ATXN1: variants seen among roughly 807,000 people sequenced by gnomAD.
ATXN1 encodes the protein ataxin 1.
Under a neutral mutation model 56.4 loss-of-function variants are expected in ATXN1, and 8 were observed. That is an observed-to-expected ratio of 0.14 (90% CI 0.08 to 0.26). ATXN1 has a LOEUF of 0.26. Ranked by LOEUF, ATXN1 falls within the 10% of genes least tolerant of loss-of-function variation. The pLI, the probability that ATXN1 is intolerant of heterozygous loss-of-function variation, is 1.00. For missense variants in ATXN1, 987 were observed against 1,106.5 expected, an observed-to-expected ratio of 0.89 and a Z score of 1.53; for synonymous variants, 514 against 494.6, an observed-to-expected ratio of 1.04 and a Z score of -0.52.
chr6:16,318,852 G>A (rs1396097376), intron 7 of ATXN1, among the ~76,000 whole-genome samples: 5 of 152,174 alleles, frequency 3.3e-5, no homozygotes, highest in Non-Finnish European at 5.9e-5. Flanking sequence ...AGTGACCACA[G>A]CAGCTGTGAC....
chr6:16,420,833 C>G (rs1326002575), intron 6 of ATXN1, among the ~76,000 whole-genome samples: 1 of 152,128 alleles, frequency 6.6e-6, no homozygotes, highest in Non-Finnish European at 1.5e-5. Flanking sequence ...GATTCTCTCT[C>G]TCTCTCTCTG....
intron 6 of ATXN1, among the ~76,000 whole-genome samples, chr6:16,469,437 GC>G (rs1760173420): frequency 6.6e-6 from 1 of 152,170 alleles, no homozygotes; most frequent in Non-Finnish European, 1.5e-5. Context: ...TGTGGCCTCT[GC>G]CCCAGGATCA....
At chr6:16,633,602 C>T (rs1763543449) in intron 3 of ATXN1, among the ~76,000 whole-genome samples, 1 of 152,186 alleles carries the variant, frequency 6.6e-6, no homozygotes, top group African/African-American at 2.4e-5. Context: ...CCTCCCCTCC[C>T]TGAGGTTCCT....
chr6:16,530,504 TC>T (rs760801558), intron 4 of ATXN1, among the ~76,000 whole-genome samples: 12 of 152,190 alleles, frequency 7.9e-5, no homozygotes, highest in Non-Finnish European at 1.5e-4. Context: ...AAAGGTAACC[TC>T]TTAGCAGATT....
intron 2 of ATXN1, chr6:16,736,778 G>A (rs1042098794): frequency 3.9e-5 from 6 of 152,132 alleles, no homozygotes; most frequent in Admixed American, 2.0e-4. Flanking sequence ...TCAGCATTTC[G>A]GGTACATACG....
intron 6 of ATXN1, among the ~76,000 whole-genome samples, chr6:16,370,526 T>C (rs1250858720): frequency 6.6e-6 from 1 of 152,008 alleles, no homozygotes; most frequent in East Asian, 1.9e-4. Flanking sequence ...CTAAGATAGC[T>C]TTTTTCTGAT....
intron 3 of ATXN1, among the ~76,000 whole-genome samples, chr6:16,620,685 G>GCC (rs201138642): frequency 5.9e-5 from 9 of 152,264 alleles, no homozygotes; most frequent in African/African-American, 2.2e-4. Flanking sequence ...GCCCATATAT[G>GCC]CCCCCCCAAA....
chr6:16,393,808 GAGTTCAAGACC>G (rs1266231225), intron 6 of ATXN1, among the ~76,000 whole-genome samples: 3 of 152,260 alleles, frequency 2.0e-5, no homozygotes, highest in Non-Finnish European at 4.4e-5. Context: ...ACGAGGTCAG[GAGTTCAAGACC>G]AGTCTGGCCA....
chr6:16,333,169 A>T (rs1746943524), intron 6 of ATXN1, among the ~76,000 whole-genome samples: 1 of 152,230 alleles, frequency 6.6e-6, no homozygotes, highest in South Asian at 2.1e-4. Flanking sequence ...TCTAAACCTA[A>T]TACGGCTGCA....
At chr6:16,360,965 T>C (rs2113474733) in intron 6 of ATXN1, among the ~76,000 whole-genome samples, 1 of 152,322 alleles carries the variant, frequency 6.6e-6, no homozygotes, top group South Asian at 2.1e-4. Context: ...AGTGAGAAAG[T>C]CTTTACTTAT....
intron 2 of ATXN1, among the ~76,000 whole-genome samples, chr6:16,732,577 A>G (rs760909252): frequency 5.3e-5 from 8 of 152,104 alleles, no homozygotes; most frequent in Non-Finnish European, 1.0e-4. Flanking sequence ...TCTCACACAC[A>G]CACAAAAAAA....
chr6:16,564,995 C>T (rs1262587889), intron 4 of ATXN1, among the ~76,000 whole-genome samples: 1 of 152,176 alleles, frequency 6.6e-6, no homozygotes, highest in African/African-American at 2.4e-5. Context: ...TTATGAATAT[C>T]AGAAGATGTC....
intron 3 of ATXN1, among the ~76,000 whole-genome samples, chr6:16,613,138 G>A (rs1228671538): frequency 3.4e-5 from 5 of 148,556 alleles, no homozygotes; most frequent in African/African-American, 1.2e-4. Flanking sequence ...GGTGGCGGGC[G>A]CCTGTAGTCC....
chr6:16,451,160 T>A (rs1277360707), intron 6 of ATXN1, among the ~76,000 whole-genome samples: 1 of 152,188 alleles, frequency 6.6e-6, no homozygotes, highest in African/African-American at 2.4e-5. Context: ...CTGTACAAAT[T>A]ATATAGGATT....
chr6:16,738,592 G>T (rs1253536163), intron 2 of ATXN1: 1 of 152,196 alleles, frequency 6.6e-6, no homozygotes, highest in East Asian at 1.9e-4. Context: ...AAAAAACCAG[G>T]ATTTTAAAAA....
intron 2 of ATXN1, among the ~76,000 whole-genome samples, chr6:16,735,152 T>C (rs1237466329): frequency 3.3e-5 from 5 of 152,222 alleles, no homozygotes; most frequent in Non-Finnish European, 7.3e-5. Flanking sequence ...CACCACTTAC[T>C]AGCTCTGTGA....
intron 2 of ATXN1, among the ~76,000 whole-genome samples, chr6:16,735,371 T>C (rs1022570761): frequency 2.0e-5 from 3 of 152,218 alleles, no homozygotes; most frequent in East Asian, 1.9e-4. Flanking sequence ...CTTGTGTTTC[T>C]GATCGCAAAT....
At chr6:16,585,246 C>G (rs1256445422) in intron 4 of ATXN1, among the ~76,000 whole-genome samples, 1 of 151,766 alleles carries the variant, frequency 6.6e-6, no homozygotes, top group Non-Finnish European at 1.5e-5. Context: ...GACCCTATCT[C>G]AAGAAAATAA....
chr6:16,616,722 C>G (rs1050791968), intron 3 of ATXN1, among the ~76,000 whole-genome samples: 1 of 146,664 alleles, frequency 6.8e-6, no homozygotes, highest in African/African-American at 2.5e-5. Flanking sequence ...TATACATATA[C>G]CCCTCCACAC....
Sources: gnomAD v4.1 joint callset for allele counts (sites outside exome capture counted in the v4.1 genomes callset) on GRCh38, gnomAD v4.1.1 for gene constraint, MANE v1.5 for transcripts, NCBI Gene and HGNC (gene_info 2026-07-23, HGNC 2026-07-21) for gene names.